Variants in TCF4 observed in about 807,000 individuals in gnomAD.
TCF4 encodes the protein SL3-3 enhancer factor 2.
In TCF4, 3 loss-of-function variants were observed where a neutral mutation model predicts 82.1. The ratio of observed to expected loss-of-function variants is 0.04; its 90% confidence interval spans 0.02 to 0.09. TCF4 has a LOEUF of 0.09. Among genes scored for constraint, TCF4 ranks in the 10% least tolerant of loss-of-function variants. The pLI, the probability that TCF4 is intolerant of heterozygous loss-of-function variation, is 1.00. For missense variants in TCF4, 518 were observed against 852.7 expected, an observed-to-expected ratio of 0.61 and a Z score of 4.89; for synonymous variants, 276 against 309.6, an observed-to-expected ratio of 0.89 and a Z score of 1.14.
At chr18:55,365,181 A>ATG (rs1161743423) in intron 6 of TCF4, among the ~76,000 whole-genome samples, 2 of 126,974 alleles carry the variant, frequency 1.6e-5, no homozygotes, top group African/African-American at 6.7e-5. Flanking sequence ...ATATATATAT[A>ATG]TATATATATA....
At chr18:55,387,054 C>G (rs546715348) in intron 6 of TCF4, among the ~76,000 whole-genome samples, 2 of 152,292 alleles carry the variant, frequency 1.3e-5, no homozygotes, top group African/African-American at 4.8e-5. Flanking sequence ...AAGAAAAAGC[C>G]TGGGCTATAG....
At chr18:55,435,544 CA>C (rs2095311299) in intron 5 of TCF4, among the ~76,000 whole-genome samples, 1 of 152,182 alleles carries the variant, frequency 6.6e-6, no homozygotes, top group Non-Finnish European at 1.5e-5. Flanking sequence ...TATGTATTTG[CA>C]GAATGAATGA....
intron 3 of TCF4, among the ~76,000 whole-genome samples, chr18:55,492,660 T>G (rs755172426): frequency 6.6e-6 from 1 of 152,204 alleles, no homozygotes; most frequent in Non-Finnish European, 1.5e-5. Flanking sequence ...TCAAGTCTCC[T>G]GACTTCTTAT....
chr18:55,559,314 G>A (rs189246677), intron 3 of TCF4, among the ~76,000 whole-genome samples: 11 of 152,144 alleles, frequency 7.2e-5, no homozygotes, highest in Admixed American at 2.6e-4. Flanking sequence ...GAACAGAACT[G>A]TAGGTATAAT....
intron 8 of TCF4, among the ~76,000 whole-genome samples, chr18:55,320,308 C>G (rs2075175452): frequency 6.6e-6 from 1 of 152,086 alleles, no homozygotes; most frequent in Non-Finnish European, 1.5e-5. Context: ...CCACACTTAA[C>G]TATTTTAATT....
At chr18:55,567,528 C>T (rs1316264213) in intron 3 of TCF4, among the ~76,000 whole-genome samples, 2 of 152,232 alleles carry the variant, frequency 1.3e-5, no homozygotes, top group East Asian at 3.9e-4. Context: ...GCCTGGCCAA[C>T]ATGGTGAAAC....
Position 55,222,736 on chromosome 18 carries a change from T to G in TCF4, c.*5299A>C, listed in dbSNP as rs1261085. On this transcript the variant is annotated 3_prime_UTR_variant, in exon 20 of 20. Coordinates refer to ENST00000354452, the MANE Select transcript of TCF4 (RefSeq NM_001083962.2). The stretch of plus-strand genomic sequence containing the variant: ...TGCAATGTTGAAATAGCCTCCAAAT[T>G]TTGCAAAGTAGATTGATGTCCATTC... The G allele has an allele frequency of 6.6e-6, 1 of 152,406 alleles. No individual in the cohort carries two copies. 9.4% of individuals were successfully genotyped at this position (152,406 alleles called of 1,614,324 possible).
rs138927714 is a variant in TCF4, at chr18:55,626,335, C to T, written c.286+4963G>A. On this transcript the variant is annotated intron_variant, in intron 2 of 20. Coordinates refer to the TCF4 transcript ENST00000398339. ...TTATTAGATCATATTTTCCATATTCCCCAGCTAAATTTATCTAGAAACAAT... is the reference window on the plus strand; with the variant it reads ...TTATTAGATCATATTTTCCATATTCTCCAGCTAAATTTATCTAGAAACAAT... Among the ~76,000 whole-genome samples, 380 of 152,076 alleles carry T rather than the reference C, an allele frequency of 2.5e-3. 3 individuals carry two copies. The highest frequency in any genetic ancestry group is 8.8e-3 in the African/African-American group (365 of 41,474).
chr18:55,401,346 C>G lies in TCF4; in HGVS notation c.369+2108G>C, dbSNP rs979846108. The G allele has an allele frequency of 1.0e-4, 120 of 1,143,486 alleles. 1 individual carries two copies. In the South Asian group the frequency reaches 2.2e-3, roughly 21 times the overall value. The allele number at this position is 1,143,486 out of a possible 1,614,324, so 70.8% of individuals were successfully genotyped here. A position where few individuals can be genotyped will look rare whatever the true frequency, so the allele number is the denominator to read the frequency against. On this transcript the variant is annotated intron_variant, in intron 6 of 19. Transcript: ENST00000354452. ...CCACGCTAAGCACAGAGATAGTAGA[C>G]TCTTGCAAGACTCACAACCATGAAG...
intron 3 of TCF4, among the ~76,000 whole-genome samples, chr18:55,472,617 C>A (rs914469594): frequency 2.0e-5 from 3 of 152,026 alleles, no homozygotes; most frequent in African/African-American, 7.2e-5. Context: ...TTTGACTTTT[C>A]GAAATGTGAC....
intron 3 of TCF4, among the ~76,000 whole-genome samples, chr18:55,581,697 C>T (rs1035709446): frequency 8.0e-4 from 121 of 151,876 alleles, no homozygotes; most frequent in African/African-American, 2.4e-3. Context: ...GATTTTTTTC[C>T]GCCTCAATGA....
At chr18:55,356,933 T>C (rs1181943563) in intron 6 of TCF4, among the ~76,000 whole-genome samples, 2 of 152,128 alleles carry the variant, frequency 1.3e-5, no homozygotes, top group South Asian at 4.1e-4. Context: ...TTCAAATACA[T>C]TGTCTTTCCT....
chr18:55,601,954 G>T (rs1388033699), intron 2 of TCF4, among the ~76,000 whole-genome samples: 2 of 152,134 alleles, frequency 1.3e-5, no homozygotes, highest in East Asian at 3.8e-4. Flanking sequence ...ATATAAATGC[G>T]CCAGTGTGAT....
At chr18:55,604,225 TG>T (rs1453240780) in intron 2 of TCF4, among the ~76,000 whole-genome samples, 2 of 147,584 alleles carry the variant, frequency 1.4e-5, no homozygotes, top group African/African-American at 4.9e-5. Flanking sequence ...ATCAGTTTTT[TG>T]TTTTTTTTTA....
chr18:55,254,380 G>A, intron 15 of TCF4, 117 bp downstream of exon 15: 1 of 976,430 alleles, frequency 1.0e-6, no homozygotes. Context: ...CTCATCGTAT[G>A]TTAAGTGAAT....
rs1041108937 is a variant in TCF4, at chr18:55,228,948, C to T, written c.1778G>A (p.Arg593His). Residue 593 changes from arginine to histidine, a missense_variant, in exon 18 of 20, where the codon CGC becomes CAC. Transcript: ENST00000354452. ...DINEAFKELG[R>H]MVQLHLKSDK... Reference sequence around the variant, plus strand: ...ACTCTTGAGGTGGAGCTGCACCATGCGGCCGAGCTCTTTGAAAGCCTCGTT... The same window carrying T: ...ACTCTTGAGGTGGAGCTGCACCATGTGGCCGAGCTCTTTGAAAGCCTCGTT... 6.2e-7 allele frequency: 1 copy of T among 1,614,168 alleles called. No homozygotes were observed. The highest frequency in any genetic ancestry group is 1.3e-5 in the African/African-American group (1 of 75,038).
intron 11 of TCF4, chr18:55,267,340 C>G (rs968653716): frequency 5.3e-5 from 8 of 152,148 alleles, no homozygotes; most frequent in African/African-American, 1.9e-4. Flanking sequence ...GCAGATGTAT[C>G]CTATTAATCC....
intron 8 of TCF4, among the ~76,000 whole-genome samples, chr18:55,292,731 T>C (rs1374330441): frequency 6.6e-6 from 1 of 152,040 alleles, no homozygotes; most frequent in African/African-American, 2.4e-5. Flanking sequence ...TATATACATG[T>C]GCGTAGATAC....
chr18:55,341,676 C>T (rs568933930), intron 8 of TCF4, among the ~76,000 whole-genome samples: 14 of 151,906 alleles, frequency 9.2e-5, no homozygotes, highest in African/African-American at 1.5e-4. Context: ...CAGAGTAATA[C>T]GCATAAGTAA....
Sources: allele counts gnomAD v4.1 joint callset (sites outside exome capture counted in the v4.1 genomes callset), GRCh38; gene constraint gnomAD v4.1.1; transcripts MANE v1.5; gene names NCBI Gene and HGNC (gene_info 2026-07-23, HGNC 2026-07-21).